The following SMYD3 variants were observed in gnomAD, a reference collection of about 807,000 sequenced individuals.
SMYD3 encodes histone-lysine N-methyltransferase SMYD3.
SMYD3 carries 36 observed loss-of-function variants against 57.7 expected under a neutral mutation model. That is an observed-to-expected ratio of 0.62 (90% CI 0.48 to 0.82). The LOEUF (loss-of-function observed/expected upper bound fraction) is 0.82. SMYD3 is among the 40% of genes least tolerant of loss of function. SMYD3 has a pLI of 0.00. For synonymous variants in SMYD3, 211 were observed against 195.0 expected, an observed-to-expected ratio of 1.08 and a Z score of -0.68; for missense variants, 515 against 538.8, an observed-to-expected ratio of 0.96 and a Z score of 0.44.
chr1:246,380,090 CAT>C (rs2066363691), intron 1 of SMYD3, among the ~76,000 whole-genome samples: 1 of 151,784 alleles, frequency 6.6e-6, no homozygotes, highest in African/African-American at 2.4e-5. Flanking sequence ...AACTTCTACA[CAT>C]TTTTCTCATA....
At chr1:245,809,947 C>T (rs1223521006) in intron 10 of SMYD3, among the ~76,000 whole-genome samples, 1 of 152,156 alleles carries the variant, frequency 6.6e-6, no homozygotes, top group African/African-American at 2.4e-5. Context: ...ATAAAGAGAC[C>T]CTCCAGGTAG....
intron 10 of SMYD3, among the ~76,000 whole-genome samples, chr1:245,792,239 C>T (rs114936337): frequency 0.03 from 4,584 of 152,216 alleles, 115 homozygotes; most frequent in Middle Eastern, 0.051. Context: ...TCAATTAATC[C>T]TCACAGTAAG....
At chr1:246,348,569 T>C (rs1045628463) in intron 2 of SMYD3, among the ~76,000 whole-genome samples, 3 of 151,886 alleles carry the variant, frequency 2.0e-5, no homozygotes, top group East Asian at 1.9e-4. Context: ...AGTGTATAAA[T>C]ATGGGAACAA....
intron 5 of SMYD3, among the ~76,000 whole-genome samples, chr1:246,185,834 A>G (rs1482507597): frequency 6.6e-6 from 1 of 152,182 alleles, no homozygotes; most frequent in Non-Finnish European, 1.5e-5. Flanking sequence ...CGTATGCTAA[A>G]AATGCCAAAA....
At chr1:246,404,892 C>T (rs1034639624) in intron 1 of SMYD3, among the ~76,000 whole-genome samples, 2 of 152,162 alleles carry the variant, frequency 1.3e-5, no homozygotes, top group Non-Finnish European at 2.9e-5. Context: ...GACTTAGACA[C>T]TAATCCACTT....
chr1:246,030,956 G>C (rs1055132274), intron 5 of SMYD3, among the ~76,000 whole-genome samples: 3 of 152,272 alleles, frequency 2.0e-5, no homozygotes, highest in African/African-American at 7.2e-5. Context: ...CGTGTTTAGT[G>C]GGGGTGCACA....
At chr1:245,799,786 C>T (rs1369177528) in intron 10 of SMYD3, among the ~76,000 whole-genome samples, 1 of 151,970 alleles carries the variant, frequency 6.6e-6, no homozygotes, top group Non-Finnish European at 1.5e-5. Context: ...CTCGGCACAC[C>T]TGTCCACCTG....
chr1:245,863,739 C>A lies in SMYD3; in HGVS notation c.901+60G>T, dbSNP rs563952846. 33 of 1,513,466 alleles carry A rather than the reference C, an allele frequency of 2.2e-5. 1 individual carries two copies. The South Asian group carries it at 3.8e-4, about 17-fold the overall frequency. 93.8% of individuals were successfully genotyped at this position (1,513,466 alleles called of 1,614,324 possible). On this transcript the variant is annotated intron_variant, in intron 9 of 11. Transcript: ENST00000490107. ...CGCCTCTGACCTCATTACGACAGGG[C>A]TTCAAGAAAACAAGGAAACAATCCC...
Position 246,411,187 on chromosome 1 carries a change from A to C in SMYD3, c.165-56093T>G, listed in dbSNP as rs142719627. Reference sequence around the variant, plus strand: ...TTTCCTTCAGTTCTGCTCTTCTCAAAAGAAGACATTTATGCACCCAAAAAA... The same window carrying C: ...TTTCCTTCAGTTCTGCTCTTCTCAACAGAAGACATTTATGCACCCAAAAAA... On this transcript the variant is annotated intron_variant, in intron 1 of 11. Coordinates refer to ENST00000490107, the MANE Select transcript of SMYD3 (RefSeq NM_001167740.2). Among the ~76,000 whole-genome samples, 1,178 of 152,242 alleles carry C rather than the reference A, an allele frequency of 7.7e-3. 13 individuals carry two copies. The highest frequency in any genetic ancestry group is 0.025 in the African/African-American group (1,026 of 41,544).
At chr1:246,010,323 C>T (rs1483559075) in intron 5 of SMYD3, among the ~76,000 whole-genome samples, 2 of 152,068 alleles carry the variant, frequency 1.3e-5, no homozygotes, top group Non-Finnish European at 2.9e-5. Flanking sequence ...TTTCTCCTCT[C>T]CTTCATCAGT....
intron 5 of SMYD3, among the ~76,000 whole-genome samples, chr1:246,168,366 G>C (rs1190251376): frequency 6.6e-6 from 1 of 152,146 alleles, no homozygotes; most frequent in Non-Finnish European, 1.5e-5. Context: ...GGAAGTCACA[G>C]GTTTTTTGCC....
At chr1:246,404,674 C>G (rs376193369) in intron 1 of SMYD3, among the ~76,000 whole-genome samples, 58 of 152,192 alleles carry the variant, frequency 3.8e-4, no homozygotes, top group African/African-American at 1.3e-3. Context: ...TCTGTGCCCT[C>G]TTTACGTGAT....
At chr1:246,220,509 CTG>C (rs201562578) in intron 5 of SMYD3, among the ~76,000 whole-genome samples, 1 of 151,944 alleles carries the variant, frequency 6.6e-6, no homozygotes, top group Admixed American at 6.6e-5. Context: ...AGGAAGGCCC[CTG>C]ACTGCACTCA....
At chr1:245,947,518 G>A (rs966781408) in intron 5 of SMYD3, 6 of 417,964 alleles carry the variant, frequency 1.4e-5, no homozygotes, top group African/African-American at 1.2e-4. Context: ...GGGGTAAAAT[G>A]TGTTAAATGT....
At chr1:246,028,766 A>C (rs1280705231) in intron 5 of SMYD3, among the ~76,000 whole-genome samples, 1 of 152,248 alleles carries the variant, frequency 6.6e-6, no homozygotes, top group Non-Finnish European at 1.5e-5. Flanking sequence ...AAGACCATGA[A>C]TAGCCAAAGC....
At chr1:245,792,515 C>A (rs1415601258) in intron 10 of SMYD3, among the ~76,000 whole-genome samples, 2 of 152,138 alleles carry the variant, frequency 1.3e-5, no homozygotes, top group African/African-American at 2.4e-5. Context: ...AGATTCTGAT[C>A]ACTTTGAGAA....
intron 1 of SMYD3, among the ~76,000 whole-genome samples, chr1:246,447,319 C>T (rs1558469615): frequency 6.6e-6 from 1 of 152,120 alleles, no homozygotes; most frequent in Non-Finnish European, 1.5e-5. Context: ...CACTGTGTAA[C>T]AAAATGTGCT....
intron 1 of SMYD3, among the ~76,000 whole-genome samples, chr1:246,365,616 TC>T: frequency 6.6e-6 from 1 of 151,352 alleles, no homozygotes; most frequent in Middle Eastern, 3.4e-3. Flanking sequence ...TCTCCTCGAC[TC>T]TCCCCATAAA....
intron 1 of SMYD3, among the ~76,000 whole-genome samples, chr1:246,454,979 A>G (rs1008580414): frequency 3.3e-5 from 5 of 152,190 alleles, no homozygotes; most frequent in African/African-American, 1.2e-4. Context: ...CCACTCTACA[A>G]TACAACAAAT....
Sources: gnomAD v4.1 joint callset for allele counts (sites outside exome capture counted in the v4.1 genomes callset) on GRCh38, gnomAD v4.1.1 for gene constraint, MANE v1.5 for transcripts, NCBI Gene and HGNC (gene_info 2026-07-23, HGNC 2026-07-21) for gene names.